Variants in NCAM1 observed in about 807,000 individuals in gnomAD.
NCAM1 encodes neural cell adhesion molecule 1, also known as antigen recognized by monoclonal antibody 5.1H11.
NCAM1 carries 14 observed loss-of-function variants against 109.8 expected under a neutral mutation model. That is an observed-to-expected ratio of 0.13 (90% CI 0.08 to 0.20). The LOEUF is 0.20. Ranked by LOEUF, NCAM1 falls within the 10% of genes least tolerant of loss-of-function variation. The pLI is 1.00. For synonymous variants in NCAM1, 418 were observed against 442.9 expected (o/e 0.94, Z 0.70); for missense variants, 774 against 1,109.9 (o/e 0.70, Z 4.30).
At chr11:113,119,032 G>C (rs1454699159) in intron 1 of NCAM1, among the ~76,000 whole-genome samples, 2 of 151,910 alleles carry the variant, frequency 1.3e-5, no homozygotes, top group Non-Finnish European at 2.9e-5. Flanking sequence ...TTTATGGCTA[G>C]TTTTAAAAGA....
intron 1 of NCAM1, among the ~76,000 whole-genome samples, chr11:113,017,160 C>T (rs868939384): frequency 8.5e-5 from 13 of 152,264 alleles, no homozygotes; most frequent in South Asian, 4.2e-4. Context: ...GAAACTGCTC[C>T]ACCTTCTCTC....
chr11:113,181,517 G>A (rs945825533), intron 1 of NCAM1, among the ~76,000 whole-genome samples: 6 of 152,106 alleles, frequency 3.9e-5, no homozygotes, highest in Non-Finnish European at 7.3e-5. Flanking sequence ...GGGGCCTGTC[G>A]GAGTGGAGGA....
chr11:113,039,729 T>C (rs1166463863), intron 1 of NCAM1, among the ~76,000 whole-genome samples: 1 of 152,228 alleles, frequency 6.6e-6, no homozygotes, highest in African/African-American at 2.4e-5. Context: ...TTCATATGTA[T>C]TTAAAAATTT....
intron 1 of NCAM1, among the ~76,000 whole-genome samples, chr11:113,009,251 T>G (rs1951969573): frequency 6.6e-6 from 1 of 151,448 alleles, no homozygotes; most frequent in Non-Finnish European, 1.5e-5. Context: ...AGACTAGACC[T>G]TGAAATCTGT....
At chr11:113,139,579 T>C (rs899671120) in intron 1 of NCAM1, among the ~76,000 whole-genome samples, 2 of 152,240 alleles carry the variant, frequency 1.3e-5, no homozygotes, top group East Asian at 1.9e-4. Context: ...TGTACACATA[T>C]TTTCACGGCC....
intron 1 of NCAM1, among the ~76,000 whole-genome samples, chr11:113,169,060 G>C (rs1942904527): frequency 6.7e-6 from 1 of 149,906 alleles, no homozygotes; most frequent in South Asian, 2.2e-4. Context: ...GTGTGTGTGT[G>C]TGTGTGTGTG....
chr11:113,118,679 G>C lies in NCAM1; in HGVS notation c.53-83700G>C, dbSNP rs959616669. Among the ~76,000 whole-genome samples, 9 of 152,026 alleles carry C rather than the reference G, an allele frequency of 5.9e-5. 1 individual carries two copies. The highest frequency in any genetic ancestry group is 2.6e-4 in the Admixed American group (4 of 15,278). ...AGGTGTCCAGAAAAAAAGTTTCGGT[G>C]AATAGAATTGACGAATGGGTTCAGA... On this transcript the variant is annotated intron_variant, in intron 1 of 19. Coordinates refer to ENST00000316851, the MANE Select transcript of NCAM1 (RefSeq NM_181351.5).
chr11:113,211,143 C>T (rs1266590091), intron 7 of NCAM1, among the ~76,000 whole-genome samples: 1 of 152,198 alleles, frequency 6.6e-6, no homozygotes, highest in African/African-American at 2.4e-5. Context: ...TGGGGAGGGA[C>T]CAGCTGATTA....
intron 1 of NCAM1, 79 bp from the exon 2 acceptor site, chr11:113,202,300 A>T (rs1555111958): frequency 7.3e-7 from 1 of 1,368,136 alleles, no homozygotes; most frequent in African/African-American, 1.5e-5. Context: ...ATTCTTGAAC[A>T]TTGGAATGTA....
At chr11:113,034,419 CTT>C (rs1351852142) in intron 1 of NCAM1, among the ~76,000 whole-genome samples, 2 of 152,166 alleles carry the variant, frequency 1.3e-5, no homozygotes, top group Non-Finnish European at 2.9e-5. Flanking sequence ...TACCATGACT[CTT>C]TCCCTTTATT....
chr11:113,071,552 A>C (rs369425157), intron 1 of NCAM1, among the ~76,000 whole-genome samples: 1 of 151,590 alleles, frequency 6.6e-6, no homozygotes, highest in East Asian at 2.0e-4. Context: ...CAGCCTCCTG[A>C]GTAGCTGGGA....
At chr11:113,112,833 A>G (rs1555093995) in intron 1 of NCAM1, among the ~76,000 whole-genome samples, 3 of 152,112 alleles carry the variant, frequency 2.0e-5, no homozygotes, top group Non-Finnish European at 4.4e-5. Flanking sequence ...AAAGCCTTTT[A>G]AAGTCTCCAT....
chr11:113,245,952 C>T (rs2137441950), intron 14 of NCAM1, among the ~76,000 whole-genome samples: 1 of 152,284 alleles, frequency 6.6e-6, no homozygotes, highest in South Asian at 2.1e-4. Flanking sequence ...TAACAGTCTC[C>T]TGGATTGACT....
intron 1 of NCAM1, among the ~76,000 whole-genome samples, chr11:113,029,196 ATG>A (rs782807879): frequency 3.9e-5 from 6 of 152,310 alleles, no homozygotes; most frequent in Non-Finnish European, 7.3e-5. Flanking sequence ...CAATAACTGT[ATG>A]TGTTTCTTGG....
chr11:113,089,198 A>C (rs1174522243), intron 1 of NCAM1, among the ~76,000 whole-genome samples: 1 of 152,144 alleles, frequency 6.6e-6, no homozygotes, highest in East Asian at 1.9e-4. Flanking sequence ...CTGTAGTCCC[A>C]GCTACTCGGG....
At chr11:113,267,138 A>G (rs1323390237) in intron 17 of NCAM1, among the ~76,000 whole-genome samples, 2 of 152,234 alleles carry the variant, frequency 1.3e-5, no homozygotes, top group African/African-American at 4.8e-5. Flanking sequence ...ATATACAGTA[A>G]GACTACTTCT....
At chr11:113,155,219 TA>T (rs1942365818) in intron 1 of NCAM1, among the ~76,000 whole-genome samples, 1 of 152,110 alleles carries the variant, frequency 6.6e-6, no homozygotes, top group Non-Finnish European at 1.5e-5. Flanking sequence ...TTTCAATTTT[TA>T]AAAAGGGAAT....
At chr11:113,080,509 T>C (rs566791809) in intron 1 of NCAM1, among the ~76,000 whole-genome samples, 171 of 151,962 alleles carry the variant, frequency 1.1e-3, no homozygotes, top group African/African-American at 3.7e-3. Context: ...TCAAGTTTGA[T>C]GCGGGTGGTA....
chr11:113,210,311 TTTA>T (rs1182046178), intron 7 of NCAM1, among the ~76,000 whole-genome samples: 2 of 152,048 alleles, frequency 1.3e-5, no homozygotes, highest in Non-Finnish European at 2.9e-5. Context: ...TGATGTAGAT[TTTA>T]TTATTATCCC....
Sources: allele counts gnomAD v4.1 joint callset (sites outside exome capture counted in the v4.1 genomes callset), GRCh38; gene constraint gnomAD v4.1.1; transcripts MANE v1.5; gene names NCBI Gene and HGNC (gene_info 2026-07-23, HGNC 2026-07-21).